Variants in HIVEP3 observed in about 807,000 individuals in gnomAD.
HIVEP3 encodes HIVEP zinc finger 3, also known as transcription factor HIVEP3.
In HIVEP3, 49 loss-of-function variants were observed where a neutral mutation model predicts 152.8. The ratio of observed to expected loss-of-function variants is 0.32; its 90% CI spans 0.26 to 0.41. HIVEP3 has a LOEUF of 0.41. Ranked by LOEUF, HIVEP3 falls within the 10% of genes least tolerant of loss-of-function variation. The pLI is 1.00. For synonymous variants in HIVEP3, 1,269 were observed against 1,289.0 expected (o/e 0.98, Z 0.33); for missense variants, 2,790 against 3,103.3 (o/e 0.90, Z 2.40).
intron 1 of HIVEP3, among the ~76,000 whole-genome samples, chr1:41,761,756 G>A (rs1441362356): frequency 6.6e-6 from 1 of 152,238 alleles, no homozygotes; most frequent in Non-Finnish European, 1.5e-5. Flanking sequence ...GTGCATGGGT[G>A]TATATGTGTA....
At chr1:41,944,906 T>C (rs1645066506) in intron 1 of HIVEP3, among the ~76,000 whole-genome samples, 1 of 152,140 alleles carries the variant, frequency 6.6e-6, no homozygotes. Flanking sequence ...CTGGGGCCAA[T>C]TTGACCCTCA....
At chr1:41,806,405 A>G (rs1293764570) in intron 1 of HIVEP3, among the ~76,000 whole-genome samples, 1 of 152,216 alleles carries the variant, frequency 6.6e-6, no homozygotes, top group African/African-American at 2.4e-5. Flanking sequence ...AGCATGTCAC[A>G]GTGGTTGACA....
chr1:41,580,867 G>A lies in HIVEP3; in HGVS notation c.3931C>T (p.Pro1311Ser). The stretch of plus-strand genomic sequence containing the variant: ...ACAACCAGGGACACCATGGTGTCTG[G>A]ACAGGCAGGCAGGGCCAGTGGAGGA... ...SAPPLALPAC[P>S]DTMVSLVVPV... is the part of the protein sequence containing the mutation. Residue 1311 changes from proline (P) to serine (S), a missense_variant, in exon 4 of 9, where the codon CCA (proline) becomes TCA (serine). Physicochemically the swap from Pro to Ser is moderately conservative, Grantham distance 74. Transcript: ENST00000372583. 6.2e-7 allele frequency: 1 copy of A among 1,606,204 alleles called. No homozygotes were observed. Among genetic ancestry groups the A allele is most frequent in the Non-Finnish European group, 8.5e-7 (1 of 1,176,608 alleles).
intron 1 of HIVEP3, among the ~76,000 whole-genome samples, chr1:41,794,297 G>A (rs560539404): frequency 3.9e-5 from 6 of 152,226 alleles, no homozygotes; most frequent in Non-Finnish European, 2.9e-5. Flanking sequence ...ACAGTAGGGG[G>A]GAAAATGCCC....
intron 2 of HIVEP3, among the ~76,000 whole-genome samples, chr1:41,649,547 A>AT (rs1267339365): frequency 1.3e-5 from 2 of 152,310 alleles, no homozygotes; most frequent in Admixed American, 1.3e-4. Flanking sequence ...GAAATAAGTA[A>AT]TTTTCCCCAA....
At chr1:41,971,885 G>A (rs1159493742) in intron 1 of HIVEP3, among the ~76,000 whole-genome samples, 1 of 152,158 alleles carries the variant, frequency 6.6e-6, no homozygotes, top group Non-Finnish European at 1.5e-5. Context: ...GAGGGGGCAA[G>A]TTACCCTTCC....
chr1:41,638,688 G>A (rs1645325427), intron 2 of HIVEP3, among the ~76,000 whole-genome samples: 1 of 152,210 alleles, frequency 6.6e-6, no homozygotes, highest in Non-Finnish European at 1.5e-5. Context: ...GAAGGACCAG[G>A]GCCAGCTCCT....
chr1:41,708,505 C>T (rs575065393), intron 1 of HIVEP3, among the ~76,000 whole-genome samples: 7 of 152,286 alleles, frequency 4.6e-5, no homozygotes, highest in African/African-American at 1.7e-4. Context: ...CCTGACTCTG[C>T]GAGCTCATTC....
chr1:42,012,116 C>T (rs1343920425), intron 1 of HIVEP3, among the ~76,000 whole-genome samples: 1 of 152,194 alleles, frequency 6.6e-6, no homozygotes, highest in Non-Finnish European at 1.5e-5. Context: ...CTGGTTCCTC[C>T]CTGTCCCTGA....
chr1:41,579,941 A>G lies in HIVEP3; in HGVS notation c.4857T>C (p.His1619=). The G allele has an allele frequency of 3.1e-6, 5 of 1,614,252 alleles. No individual in the cohort carries two copies. The highest frequency in any genetic ancestry group is 4.2e-6 in the Non-Finnish European group (5 of 1,180,044). The change falls in exon 4 of 9, where the codon CAT becomes CAC. Residue 1619 remains histidine (H), a synonymous_variant. Transcript: ENST00000372583. ...LNYIKPNHIQ[H]ADRRSSVYAG... ...CGTAAACAGAGGACCTCCTATCTGC[A>G]TGCTGGATGTGATTTGGCTTAATGT...
At chr1:41,572,581 G>A (rs1644266445) in intron 5 of HIVEP3, among the ~76,000 whole-genome samples, 1 of 152,196 alleles carries the variant, frequency 6.6e-6, no homozygotes, top group Non-Finnish European at 1.5e-5. Flanking sequence ...CAAGCACCTT[G>A]AGGGCAGGAT....
chr1:41,820,666 T>C (rs1642569984), intron 1 of HIVEP3, among the ~76,000 whole-genome samples: 1 of 152,266 alleles, frequency 6.6e-6, no homozygotes, highest in Non-Finnish European at 1.5e-5. Flanking sequence ...CCCTTGAATT[T>C]TCTACTGTCT....
At chr1:41,789,665 T>A (rs1260979431) in intron 1 of HIVEP3, among the ~76,000 whole-genome samples, 1 of 152,242 alleles carries the variant, frequency 6.6e-6, no homozygotes, top group Non-Finnish European at 1.5e-5. Context: ...TAGGCTAGTG[T>A]GTCATGAATT....
At chr1:41,686,058 TTTG>T (rs1165982776) in intron 2 of HIVEP3, among the ~76,000 whole-genome samples, 1 of 148,976 alleles carries the variant, frequency 6.7e-6, no homozygotes, top group African/African-American at 2.5e-5. Flanking sequence ...TGTTTGTTTG[TTTG>T]TTTTGTTTTG....
chr1:41,722,403 G>GCCTGCCTTCCTTCCTTCCTTCCTT (rs1553253035), intron 1 of HIVEP3, among the ~76,000 whole-genome samples: 44 of 113,056 alleles, frequency 3.9e-4, no homozygotes, highest in African/African-American at 1.4e-3. Flanking sequence ...AATTTGGCTG[G>GCCTGCCTTCCTTCCTTCCTTCCTT]CCTTCCTTCC....
chr1:41,906,574 C>T (rs72671290), intron 1 of HIVEP3, among the ~76,000 whole-genome samples: 9 of 152,140 alleles, frequency 5.9e-5, no homozygotes, highest in South Asian at 2.1e-4. Flanking sequence ...AGAAACTTTA[C>T]GGGATGACGG....
intron 2 of HIVEP3, among the ~76,000 whole-genome samples, chr1:41,690,926 AAAAC>A (rs1209828886): frequency 6.6e-6 from 1 of 152,182 alleles, no homozygotes; most frequent in Non-Finnish European, 1.5e-5. Flanking sequence ...CTCAAAAACA[AAAAC>A]AAACAAAAAA....
intron 1 of HIVEP3, among the ~76,000 whole-genome samples, chr1:41,824,470 G>T (rs1013304608): frequency 1.3e-5 from 2 of 151,956 alleles, no homozygotes; most frequent in South Asian, 4.1e-4. Flanking sequence ...CACAGCTAAC[G>T]TTGTAAGTGG....
intron 5 of HIVEP3, among the ~76,000 whole-genome samples, chr1:41,560,609 G>T (rs1020114441): frequency 6.6e-6 from 1 of 152,174 alleles, no homozygotes; most frequent in African/African-American, 2.4e-5. Context: ...ACTCACAGAG[G>T]ACCTCATTGC....
Sources: allele counts gnomAD v4.1 joint callset (sites outside exome capture counted in the v4.1 genomes callset), GRCh38; gene constraint gnomAD v4.1.1; transcripts MANE v1.5; gene names NCBI Gene and HGNC (gene_info 2026-07-23, HGNC 2026-07-21).